Variants in BRCA1 observed in about 807,000 individuals in gnomAD.
The protein encoded by BRCA1 is BRCA1 DNA repair associated, also known as breast cancer type 1 susceptibility protein.
Under a neutral mutation model 173.7 loss-of-function variants are expected in BRCA1, and 140 were observed. The ratio of observed to expected loss-of-function variants is 0.81; its 90% CI spans 0.70 to 0.93. BRCA1 has a LOEUF of 0.93. Ranked by LOEUF, BRCA1 falls within the 40% of genes least tolerant of loss-of-function variation. BRCA1 has a pLI of 0.00. For missense variants in BRCA1, 1,983 were observed against 2,172.5 expected, an observed-to-expected ratio of 0.91 and a Z score of 1.73; for synonymous variants, 662 against 756.0, an observed-to-expected ratio of 0.88 and a Z score of 2.04.
At chr17:43,120,658 G>A (rs755935459) in intron 2 of BRCA1, among the ~76,000 whole-genome samples, 2 of 152,158 alleles carry the variant, frequency 1.3e-5, no homozygotes, top group Admixed American at 6.5e-5. Context: ...CCAGCTACTT[G>A]GGGGGCCGAG....
At chr17:43,095,346 C>T (rs1198285235) in intron 9 of BRCA1, among the ~76,000 whole-genome samples, 1 of 152,174 alleles carries the variant, frequency 6.6e-6, no homozygotes, top group African/African-American at 2.4e-5. Flanking sequence ...CTTTGGGAGG[C>T]TGAAGTGGGC....
rs1437483613 is a variant in BRCA1 at position 43,044,409 on chromosome 17, C to T, written c.*1269G>A. ...GCACACTGGGGGGGCTAGGGAAGAC[C>T]TAGTCCTTCCAACAGCTATAAACAG... On this transcript the variant is annotated 3_prime_UTR_variant, in exon 23 of 23. Transcript: ENST00000357654. 2.0e-6 allele frequency: 1 copy of T among 506,934 alleles called. No homozygotes were observed. Among genetic ancestry groups the T allele is most frequent in the Non-Finnish European group, 3.9e-6 (1 of 258,678 alleles). 31.4% of individuals were successfully genotyped at this position (506,934 alleles called of 1,614,324 possible). A position where few individuals can be genotyped will look rare whatever the true frequency, so the allele number is the denominator to read the frequency against.
intron 14 of BRCA1, among the ~76,000 whole-genome samples, chr17:43,071,621 A>C (rs1400569805): frequency 6.6e-6 from 1 of 152,220 alleles, no homozygotes; most frequent in Admixed American, 6.5e-5. Context: ...TAATTTGAAT[A>C]TAAATGTTGA....
At chr17:43,105,237 C>A (rs748176375) in intron 4 of BRCA1, among the ~76,000 whole-genome samples, 1 of 148,902 alleles carries the variant, frequency 6.7e-6, no homozygotes, top group Non-Finnish European at 1.5e-5. Context: ...AACTAGAGTA[C>A]TTTTTTTTTT....
At chr17:43,065,177 TCTTAAA>T (rs2052010992) in intron 16 of BRCA1, among the ~76,000 whole-genome samples, 2 of 152,154 alleles carry the variant, frequency 1.3e-5, no homozygotes, top group Non-Finnish European at 2.9e-5. Context: ...GCTTAAGGTA[TCTTAAA>T]CTTTAATGAC....
chr17:43,083,729 G>A (rs2053118587), intron 11 of BRCA1, among the ~76,000 whole-genome samples: 1 of 152,100 alleles, frequency 6.6e-6, no homozygotes, highest in Non-Finnish European at 1.5e-5. Context: ...TTAAAATAAT[G>A]AGTTCTTTTT....
chr17:43,085,519 C>G (rs1282176873), intron 11 of BRCA1, among the ~76,000 whole-genome samples: 3 of 152,184 alleles, frequency 2.0e-5, no homozygotes, highest in Admixed American at 2.0e-4. Flanking sequence ...TCTCATTTCT[C>G]CCAACACCCC....
intron 1 of BRCA1, among the ~76,000 whole-genome samples, chr17:43,158,241 G>C (rs1390386183): frequency 2.6e-5 from 4 of 152,114 alleles, no homozygotes; most frequent in Non-Finnish European, 5.9e-5. Context: ...CCACACTATT[G>C]AGGATTTTTT....
chr17:43,146,781 C>T (rs574499476), intron 1 of BRCA1, among the ~76,000 whole-genome samples: 1 of 152,330 alleles, frequency 6.6e-6, no homozygotes, highest in East Asian at 1.9e-4. Context: ...GCCTCACTCT[C>T]TTCCCCTCTC....
At chr17:43,089,287 C>T (rs1301156886) in intron 11 of BRCA1, among the ~76,000 whole-genome samples, 1 of 151,688 alleles carries the variant, frequency 6.6e-6, no homozygotes, top group Non-Finnish European at 1.5e-5. Flanking sequence ...TGTGCCACTG[C>T]ATTCCAGCCT....
intron 1 of BRCA1, among the ~76,000 whole-genome samples, chr17:43,149,383 A>C (rs895046909): frequency 1.3e-5 from 2 of 151,118 alleles, no homozygotes; most frequent in Non-Finnish European, 2.9e-5. Flanking sequence ...TACAGGTGTG[A>C]GCCACCATGC....
rs1389910288 is a variant in BRCA1, at chr17:43,123,358, T to TG, written c.80+658_80+659insC. 1.4e-3 allele frequency among the ~76,000 whole-genome samples: 203 copies of TG among 146,126 alleles called. 2 individuals are homozygous for TG. Among genetic ancestry groups the TG allele is most frequent in the Non-Finnish European group, 2.6e-3 (175 of 66,472 alleles). ...GACACCGATCATCCATGTTTTTTTT[T>TG]TTTTTTTTTTTTTTTTGAGATGGAG... is the stretch of plus-strand genomic sequence containing the variant. On this transcript the variant is annotated intron_variant, in intron 2 of 22. Transcript: ENST00000357654.
At chr17:43,108,324 T>G (rs1224465632) in intron 3 of BRCA1, among the ~76,000 whole-genome samples, 27 of 123,414 alleles carry the variant, frequency 2.2e-4, no homozygotes, top group South Asian at 5.7e-4. Flanking sequence ...GGCAACAGAG[T>G]GAGATTGTGC....
rs80357176 is a variant in BRCA1, at chr17:43,094,537, G to A, written c.994C>T (p.Arg332Trp). ...AGSKETCNDR[R>W]TPSTEKKVDL... ...ACCTTTTTTTCTGTGCTGGGAGTCC[G>A]CCTATCATTACATGTTTCCTTACTT... is the stretch of plus-strand genomic sequence containing the variant. Residue 332 changes from arginine to tryptophan, a missense_variant, in exon 10 of 23, where the codon CGG becomes TGG. Arg to Trp is a moderately radical substitution (Grantham distance 101). Coordinates refer to ENST00000357654, the MANE Select transcript of BRCA1 (RefSeq NM_007294.4). The A allele has an allele frequency of 1.1e-5, 18 of 1,613,872 alleles. No individual in the cohort carries two copies. The highest frequency in any genetic ancestry group is 4.0e-5 in the African/African-American group (3 of 74,908).
intron 15 of BRCA1, among the ~76,000 whole-genome samples, chr17:43,069,713 G>C (rs1352039587): frequency 6.6e-6 from 1 of 152,104 alleles, no homozygotes; most frequent in Non-Finnish European, 1.5e-5. Flanking sequence ...AGCTTACTTT[G>C]CCCTTTTAGT....
chr17:43,110,640 C>T, intron 3 of BRCA1: 1 of 370,154 alleles, frequency 2.7e-6, no homozygotes, highest in Admixed American at 3.3e-5. Context: ...ATTTATTGCT[C>T]ACATTCTATC....
At chr17:43,137,031 C>G (rs1415905722) in intron 1 of BRCA1, among the ~76,000 whole-genome samples, 1 of 152,064 alleles carries the variant, frequency 6.6e-6, no homozygotes, top group Non-Finnish European at 1.5e-5. Context: ...GGAACCAACC[C>G]AAATGTCCAT....
intron 21 of BRCA1, 36 bp downstream of exon 21, chr17:43,049,085 G>A (rs1291031991): frequency 6.3e-7 from 1 of 1,589,476 alleles, no homozygotes; most frequent in Non-Finnish European, 8.6e-7. Context: ...AGAGAATATT[G>A]TGTCCTCCCT....
chr17:43,065,066 G>C (rs1381347787), intron 16 of BRCA1, among the ~76,000 whole-genome samples: 1 of 151,944 alleles, frequency 6.6e-6, no homozygotes, highest in Non-Finnish European at 1.5e-5. Context: ...TCCTGACCTC[G>C]TGATCTGCCC....
Sources: allele counts gnomAD v4.1 joint callset (sites outside exome capture counted in the v4.1 genomes callset), GRCh38; gene constraint gnomAD v4.1.1; transcripts MANE v1.5; gene names NCBI Gene and HGNC (gene_info 2026-07-23, HGNC 2026-07-21).